DNAJC3: variants seen among roughly 807,000 people sequenced by gnomAD.
DNAJC3 encodes dnaJ homolog subfamily C member 3.
DNAJC3 carries 38 observed loss-of-function variants against 68.6 expected under a neutral mutation model. The observed-to-expected ratio is 0.55, with a 90% CI of 0.43 to 0.73. The LOEUF is 0.73. Among genes scored for constraint, DNAJC3 ranks in the 30% least tolerant of loss-of-function variants. The probability of loss-of-function intolerance (pLI) is 0.00; values close to 1 mark genes in which losing one functional copy is unlikely to be tolerated. For missense variants in DNAJC3, 526 were observed against 591.9 expected, an observed-to-expected ratio of 0.89 and a Z score of 1.16; for synonymous variants, 203 against 204.0, an observed-to-expected ratio of 1.00 and a Z score of 0.04.
chr13:95,768,585 C>T (rs1883073878), intron 9 of DNAJC3, among the ~76,000 whole-genome samples: 2 of 152,096 alleles, frequency 1.3e-5, no homozygotes, highest in African/African-American at 4.8e-5. Context: ...AGGGTGTTAT[C>T]CTGTTTGCAG....
chr13:95,787,251 C>A, intron 11 of DNAJC3, 96 bp downstream of exon 11: 1 of 1,469,364 alleles, frequency 6.8e-7, no homozygotes, highest in Non-Finnish European at 9.1e-7. Context: ...GCTGTATAGG[C>A]AGTGACGGGT....
chr13:95,781,161 T>C (rs1883439972), intron 9 of DNAJC3, among the ~76,000 whole-genome samples: 1 of 152,078 alleles, frequency 6.6e-6, no homozygotes, highest in Non-Finnish European at 1.5e-5. Context: ...GACCGCTTTT[T>C]GTTTGTTCCA....
chr13:95,768,588 G>T (rs1883074124), intron 9 of DNAJC3, among the ~76,000 whole-genome samples: 1 of 152,184 alleles, frequency 6.6e-6, no homozygotes, highest in African/African-American at 2.4e-5. Flanking sequence ...GTGTTATCCT[G>T]TTTGCAGATT....
rs572891053 is a variant in DNAJC3 at position 95,710,676 on chromosome 13, GTTTTGT to G, written c.193+1363_193+1368del. On this transcript the variant is annotated intron_variant, in intron 2 of 11. Transcript: ENST00000602402. ...CGAGGGTGGTGTTTTGTTTTGTTTT[GTTTTGT>G]TTTTGTTTTTGTTTTTGTTTTTGAG... 2.8e-4 allele frequency among the ~76,000 whole-genome samples: 41 copies of G among 146,178 alleles called. 2 individuals carry two copies. The highest frequency in any genetic ancestry group is 7.2e-4 in the African/African-American group (26 of 36,188).
intron 11 of DNAJC3, among the ~76,000 whole-genome samples, chr13:95,787,669 G>GTT (rs58483078): frequency 4.2e-5 from 6 of 143,102 alleles, no homozygotes; most frequent in African/African-American, 1.0e-4. Flanking sequence ...GCTTATATGT[G>GTT]TTTTTTTTTT....
chr13:95,696,046 G>T (rs1046085696), intron 1 of DNAJC3, among the ~76,000 whole-genome samples: 47 of 152,112 alleles, frequency 3.1e-4, no homozygotes, highest in African/African-American at 1.0e-3. Flanking sequence ...TTACACTAAA[G>T]AGCCATTCCA....
At chr13:95,680,839 A>T (rs186167402) in intron 1 of DNAJC3, among the ~76,000 whole-genome samples, 179 of 152,352 alleles carry the variant, frequency 1.2e-3, no homozygotes, top group Middle Eastern at 3.4e-3. Flanking sequence ...TGGAAGTATC[A>T]TGGGAACCCA....
At chr13:95,787,481 T>C (rs754837265) in intron 11 of DNAJC3, among the ~76,000 whole-genome samples, 1 of 152,132 alleles carries the variant, frequency 6.6e-6, no homozygotes, top group Admixed American at 6.5e-5. Context: ...CCCTCTAACC[T>C]CAAAGGTCAA....
chr13:95,714,233 A>C (rs1307539565), intron 2 of DNAJC3, among the ~76,000 whole-genome samples: 2 of 152,126 alleles, frequency 1.3e-5, no homozygotes, highest in Non-Finnish European at 2.9e-5. Flanking sequence ...TTTTGTGAAG[A>C]TCAGATGGTA....
At chr13:95,694,018 A>G (rs2139609141) in intron 1 of DNAJC3, 1 of 152,326 alleles carries the variant, frequency 6.6e-6, no homozygotes, top group East Asian at 1.9e-4. Flanking sequence ...CATAATCAGC[A>G]ACAATGTTCA....
At chr13:95,788,909 G>T (rs190894264) in intron 11 of DNAJC3, among the ~76,000 whole-genome samples, 1 of 152,076 alleles carries the variant, frequency 6.6e-6, no homozygotes, top group Non-Finnish European at 1.5e-5. Context: ...TACAATACCC[G>T]CTTAGTTATT....
At chr13:95,730,717 T>C (rs1162354289) in intron 4 of DNAJC3, among the ~76,000 whole-genome samples, 1 of 152,226 alleles carries the variant, frequency 6.6e-6, no homozygotes, top group Non-Finnish European at 1.5e-5. Flanking sequence ...ACTATAGCCT[T>C]GTAATATACT....
intron 9 of DNAJC3, among the ~76,000 whole-genome samples, chr13:95,785,519 T>A (rs1212330268): frequency 7.5e-6 from 1 of 133,538 alleles, no homozygotes; most frequent in Non-Finnish European, 1.5e-5. Flanking sequence ...AGTGCAGTGG[T>A]GCGATGTCGG....
chr13:95,767,846 C>A (rs1883040813), intron 9 of DNAJC3, among the ~76,000 whole-genome samples: 1 of 151,406 alleles, frequency 6.6e-6, no homozygotes, highest in South Asian at 2.1e-4. Context: ...TGCACCACCA[C>A]ACCTGGCTTT....
In DNAJC3 at chr13:95,792,245, A is replaced by C. The variant is rs1470364386; in HGVS notation, c.*1215A>C. On this transcript the variant is annotated 3_prime_UTR_variant, in exon 12 of 12. Transcript: ENST00000602402. ...TTACCTTTTAAGAAGATACTATTTA[A>C]GAAGTGAACTATTCAGTCTTTGTAT... The C allele has an allele frequency of 1.3e-5, 2 of 152,264 alleles. No individual in the cohort carries two copies. The highest frequency in any genetic ancestry group is 3.8e-4 in the East Asian group (2 of 5,204). The allele number at this position is 152,264 out of a possible 1,614,324, so 9.4% of individuals were successfully genotyped here.
chr13:95,757,831 A>G, intron 5 of DNAJC3, 35 bp downstream of exon 5: 1 of 1,490,686 alleles, frequency 6.7e-7, no homozygotes, highest in Non-Finnish European at 9.1e-7. Flanking sequence ...GACCAGCCTG[A>G]CACTTATTGT....
At chr13:95,751,946 CA>C (rs1390315842) in intron 4 of DNAJC3, among the ~76,000 whole-genome samples, 6 of 152,152 alleles carry the variant, frequency 3.9e-5, no homozygotes, top group Non-Finnish European at 7.3e-5. Flanking sequence ...ATCATGAGAA[CA>C]GCATGGGAGG....
chr13:95,778,511 A>G (rs1259748682), intron 9 of DNAJC3, among the ~76,000 whole-genome samples: 1 of 152,256 alleles, frequency 6.6e-6, no homozygotes, highest in Non-Finnish European at 1.5e-5. Flanking sequence ...CAGCTTTTAA[A>G]AAGCAGGAGG....
intron 9 of DNAJC3, among the ~76,000 whole-genome samples, chr13:95,785,465 T>TTC (rs1485745727): frequency 7.2e-5 from 10 of 139,766 alleles, no homozygotes; most frequent in Non-Finnish European, 1.5e-4. Context: ...TTTTTTTTTT[T>TTC]TTTTTTTTTT....
Sources: allele counts gnomAD v4.1 joint callset (sites outside exome capture counted in the v4.1 genomes callset), GRCh38; gene constraint gnomAD v4.1.1; transcripts MANE v1.5; gene names NCBI Gene and HGNC (gene_info 2026-07-23, HGNC 2026-07-21).